Variants in ZBTB7C observed in about 807,000 individuals in gnomAD.
The protein encoded by ZBTB7C is zinc finger and BTB domain-containing protein 7C.
In ZBTB7C, 8 loss-of-function variants were observed where a neutral mutation model predicts 25.7. That is an observed-to-expected ratio of 0.31 (90% CI 0.18 to 0.56). The LOEUF is 0.56. Ranked by LOEUF, ZBTB7C falls within the 20% of genes least tolerant of loss-of-function variation. The probability of loss-of-function intolerance (pLI) is 0.91; values close to 1 mark genes in which losing one functional copy is unlikely to be tolerated. For missense variants in ZBTB7C, 824 were observed against 855.2 expected, an observed-to-expected ratio of 0.96 and a Z score of 0.46; for synonymous variants, 394 against 369.0, an observed-to-expected ratio of 1.07 and a Z score of -0.78.
At chr18:48,222,920 G>T (rs545307764) in intron 2 of ZBTB7C, among the ~76,000 whole-genome samples, 1 of 152,160 alleles carries the variant, frequency 6.6e-6, no homozygotes, top group African/African-American at 2.4e-5. Context: ...AGGCAGATGT[G>T]GAGCTAAATC....
At chr18:48,148,146 GCCACCA>G (rs2040554602) in intron 3 of ZBTB7C, 2 of 146,990 alleles carry the variant, frequency 1.4e-5, no homozygotes, top group African/African-American at 5.1e-5. Flanking sequence ...ACAGGCACCT[GCCACCA>G]CGGCTAATTT....
chr18:48,219,524 C>T (rs1325168177), intron 2 of ZBTB7C, among the ~76,000 whole-genome samples: 2 of 152,192 alleles, frequency 1.3e-5, no homozygotes, highest in East Asian at 3.9e-4. Context: ...CCAGGTCACA[C>T]AGCCTGTAAA....
At chr18:48,399,657 C>T (rs2048114880) in intron 1 of ZBTB7C, among the ~76,000 whole-genome samples, 3 of 152,188 alleles carry the variant, frequency 2.0e-5, no homozygotes, top group African/African-American at 7.2e-5. Flanking sequence ...AGCCCCTTTC[C>T]TGTCTGGGAG....
chr18:48,356,919 T>C lies in ZBTB7C; in HGVS notation c.-303-18521A>G, dbSNP rs73957642. ...TCCCCCTCACAGTTCCTAACACACA[T>C]AATCCTACACTAAACTTCTAAACAC... On this transcript the variant is annotated intron_variant, in intron 1 of 4. Coordinates refer to ENST00000590800, the MANE Select transcript of ZBTB7C (RefSeq NM_001318841.2). Among the ~76,000 whole-genome samples the C allele has an allele frequency of 6.2e-3, 941 of 152,126 alleles. 6 individuals carry two copies. The highest frequency in any genetic ancestry group is 0.021 in the African/African-American group (860 of 41,486).
chr18:48,307,027 C>A (rs1460284100), intron 2 of ZBTB7C, among the ~76,000 whole-genome samples: 1 of 152,152 alleles, frequency 6.6e-6, no homozygotes, highest in African/African-American at 2.4e-5. Flanking sequence ...CTCCACCCTC[C>A]TAAGGAATCT....
rs115080210 is a variant in ZBTB7C, at chr18:48,040,714, C to A, written c.394G>T (p.Asp132Tyr). 70 of 1,612,520 alleles carry A rather than the reference C, an allele frequency of 4.3e-5. No individual in the cohort carries two copies. The highest frequency in any genetic ancestry group is 1.7e-4 in the Middle Eastern group (1 of 6,050). ...TCCTTGTCATCCTCCTCCCCCCCGT[C>A]CCCCCCAGGCTCCATGATCTCCAGG... ...VCLEIMEPGGDGGEEDDKEDD... is the reference protein window; with the variant it reads ...VCLEIMEPGGYGGEEDDKEDD... The change falls in exon 4 of 5, where the codon GAC becomes TAC. Residue 132 changes from aspartate (D) to tyrosine (Y), a missense_variant. Around this residue, in one of 4 missense-constraint regions of ZBTB7C, gnomAD observed 316 missense variants for 299.2 expected, o/e 1.06. Transcript: ENST00000590800.
intron 3 of ZBTB7C, among the ~76,000 whole-genome samples, chr18:48,153,542 A>G (rs1020809959): frequency 1.3e-5 from 2 of 152,244 alleles, no homozygotes; most frequent in South Asian, 4.1e-4. Context: ...GAAAAAGGGA[A>G]GCAAGGAAGA....
chr18:48,187,461 GACAA>G lies in ZBTB7C; in HGVS notation c.-78-1470_-78-1467del, dbSNP rs771839133. The stretch of plus-strand genomic sequence containing the variant: ...AAGTGAAATAAGCCAGTCACAAAAA[GACAA>G]ATACTGTATGATTCCACTTATATGA... On this transcript the variant is annotated intron_variant, in intron 2 of 4. Coordinates refer to ENST00000590800, the MANE Select transcript of ZBTB7C (RefSeq NM_001318841.2). Among the ~76,000 whole-genome samples the G allele has an allele frequency of 4.6e-5, 7 of 152,242 alleles. No homozygotes were observed. The South Asian group carries it at 1.0e-3, about 23-fold the overall frequency.
At chr18:48,062,096 C>A (rs2037148427) in intron 3 of ZBTB7C, among the ~76,000 whole-genome samples, 1 of 152,208 alleles carries the variant, frequency 6.6e-6, no homozygotes, top group Non-Finnish European at 1.5e-5. Flanking sequence ...ATGAGAGAAT[C>A]TTATTTCTTC....
intron 2 of ZBTB7C, among the ~76,000 whole-genome samples, chr18:48,335,744 GTAGACTTCAAACACTTTGTA>G (rs1242452095): frequency 6.6e-6 from 1 of 152,144 alleles, no homozygotes; most frequent in African/African-American, 2.4e-5. Flanking sequence ...AGAATACACT[GTAGACTTCAAACACTTTGTA>G]TGAAAAGAAT....
At chr18:48,316,308 G>A (rs1011439535) in intron 2 of ZBTB7C, among the ~76,000 whole-genome samples, 5 of 152,148 alleles carry the variant, frequency 3.3e-5, no homozygotes, top group African/African-American at 1.2e-4. Flanking sequence ...CCTGAAGTGG[G>A]GTCACAGGTG....
chr18:48,381,471 T>A (rs2047632636), intron 1 of ZBTB7C, among the ~76,000 whole-genome samples: 1 of 152,154 alleles, frequency 6.6e-6, no homozygotes, highest in Non-Finnish European at 1.5e-5. Context: ...AATAATGTAA[T>A]AATCAACTCT....
At chr18:48,347,963 A>G (rs1402283561) in intron 1 of ZBTB7C, among the ~76,000 whole-genome samples, 1 of 152,240 alleles carries the variant, frequency 6.6e-6, no homozygotes, top group Non-Finnish European at 1.5e-5. Context: ...AGGCAGGTAC[A>G]GAGGTTTCTG....
At chr18:48,180,378 G>C (rs771328654) in intron 3 of ZBTB7C, 1 of 456,530 alleles carries the variant, frequency 2.2e-6, no homozygotes, top group South Asian at 1.5e-5. Context: ...ACCATTCGCT[G>C]GTGATTACCA....
chr18:48,116,571 G>A (rs1485646641), intron 3 of ZBTB7C, among the ~76,000 whole-genome samples: 1 of 152,102 alleles, frequency 6.6e-6, no homozygotes, highest in African/African-American at 2.4e-5. Context: ...GGGTCCGCCA[G>A]TTGCCGGCTT....
At chr18:48,383,999 G>A (rs563849139) in intron 1 of ZBTB7C, among the ~76,000 whole-genome samples, 23 of 152,342 alleles carry the variant, frequency 1.5e-4, no homozygotes, top group African/African-American at 5.5e-4. Flanking sequence ...TCTGTGCTTG[G>A]TTATTTGTGC....
intron 1 of ZBTB7C, among the ~76,000 whole-genome samples, chr18:48,395,061 A>G (rs943238570): frequency 3.9e-5 from 6 of 152,114 alleles, no homozygotes; most frequent in African/African-American, 1.4e-4. Context: ...AAAAAGCATC[A>G]GGAAGGGTCA....
In ZBTB7C at chr18:48,335,618, G is replaced by A. The variant is rs1159409889; in HGVS notation, c.-79+2556C>T. ...CTGATGTCTAGTCAGGATACCCCTG[G>A]CCCCTGGGTGCTCCTTGGCAAGATA... On this transcript the variant is annotated intron_variant, in intron 2 of 4. Coordinates refer to ENST00000590800, the MANE Select transcript of ZBTB7C (RefSeq NM_001318841.2). 3.9e-5 allele frequency among the ~76,000 whole-genome samples: 6 copies of A among 152,120 alleles called. No homozygotes were observed. In the East Asian group the frequency reaches 7.7e-4, roughly 20 times the overall value.
intron 3 of ZBTB7C, among the ~76,000 whole-genome samples, chr18:48,066,969 G>A (rs1420222187): frequency 3.9e-5 from 6 of 152,204 alleles, no homozygotes; most frequent in Non-Finnish European, 8.8e-5. Context: ...GGGCGTGGTG[G>A]TGTGTGCCTG....
Sources: gnomAD v4.1 joint callset for allele counts (sites outside exome capture counted in the v4.1 genomes callset) on GRCh38, gnomAD v4.1.1 for gene constraint, gnomAD v4.1.1 regional missense constraint, MANE v1.5 for transcripts, NCBI Gene and HGNC (gene_info 2026-07-23, HGNC 2026-07-21) for gene names.